TLR2: variants seen among roughly 807,000 people sequenced by gnomAD.
TLR2 encodes toll-like receptor 2.
In TLR2, 7 loss-of-function variants were observed where a neutral mutation model predicts 9.1. That is an observed-to-expected ratio of 0.77 (90% CI 0.44 to 1.44). TLR2 has a LOEUF of 1.44. TLR2 is among the 40% of genes most tolerant of loss of function. The probability of loss-of-function intolerance (pLI) is 0.01; values close to 1 mark genes in which losing one functional copy is unlikely to be tolerated. For synonymous variants in TLR2, 317 were observed against 344.6 expected, an observed-to-expected ratio of 0.92 and a Z score of 0.89; for missense variants, 812 against 904.6, an observed-to-expected ratio of 0.90 and a Z score of 1.31.
chr4:153,701,639 G>A (rs1445242119), intron 2 of TLR2: 2 of 151,486 alleles, frequency 1.3e-5, no homozygotes, highest in South Asian at 2.1e-4. Flanking sequence ...ACATATGTGT[G>A]TATACATAAT....
At chr4:153,708,652 T>A (rs766551232), downstream of TLR2, among the ~76,000 whole-genome samples, 3 of 152,212 alleles carry the variant, frequency 2.0e-5, no homozygotes, top group Non-Finnish European at 4.4e-5. Flanking sequence ...AAACTCAGAC[T>A]GTACCTGCAC....
rs780817232 is a variant in TLR2, at chr4:153,705,144, C to T, written c.2237C>T (p.Pro746Leu). The change falls in exon 3 of 3, where the codon CCC becomes CTC. Residue 746 changes from proline (P) to leucine (L), a missense_variant. Physicochemically the swap from Pro to Leu is moderately conservative, Grantham distance 98. Coordinates refer to ENST00000642700, the MANE Select transcript of TLR2 (RefSeq NM_001318789.2). Reference sequence around the variant, plus strand: ...GAGCCCATTGAGAAAAAAGCCATTCCCCAGCGCTTCTGCAAGCTGCGGAAG... The same window carrying T: ...GAGCCCATTGAGAAAAAAGCCATTCTCCAGCGCTTCTGCAAGCTGCGGAAG... ...LLEPIEKKAI[P>L]QRFCKLRKIM... The T allele has an allele frequency of 3.1e-6, 5 of 1,614,000 alleles. No individual in the cohort carries two copies. The East Asian group carries it at 6.7e-5, about 22-fold the overall frequency.
In TLR2 at chr4:153,703,034, T is replaced by C. The variant is rs1328036344; in HGVS notation, c.127T>C (p.Leu43=). 44 of 1,614,052 alleles carry C rather than the reference T, an allele frequency of 2.7e-5. No individual in the cohort carries two copies. Among genetic ancestry groups the C allele is most frequent in the Non-Finnish European group, 2.9e-5 (34 of 1,180,008 alleles). The part of the protein sequence containing the change: ...NGICKGSSGS[L]NSIPSGLTEA... Reference sequence around the variant, plus strand: ...TATCTGCAAGGGCAGCTCAGGATCTTTAAACTCCATTCCCTCAGGGCTCAC... The same window carrying C: ...TATCTGCAAGGGCAGCTCAGGATCTCTAAACTCCATTCCCTCAGGGCTCAC... The change falls in exon 3 of 3, where the codon TTA becomes CTA. Residue 43 remains leucine, a synonymous_variant. Transcript: ENST00000642700.
At chr4:153,699,061 C>T (rs1335432441) in intron 2 of TLR2, among the ~76,000 whole-genome samples, 1 of 152,126 alleles carries the variant, frequency 6.6e-6, no homozygotes, top group Non-Finnish European at 1.5e-5. Context: ...GAATTCATAA[C>T]CCTAATTCTC....
At chr4:153,702,748 C>T in intron 2 of TLR2, 144 bp from the exon 3 acceptor site, 8 of 647,334 alleles carry the variant, frequency 1.2e-5, no homozygotes, top group African/African-American at 4.0e-5. Context: ...ATCTGTTTCT[C>T]TCTCTCTCTC....
chr4:153,705,550 G>T lies in TLR2; in HGVS notation c.*288G>T, dbSNP rs1052953315. The stretch of plus-strand genomic sequence containing the variant: ...CCCTTGGTATCCAAGGGAATTGGTT[G>T]CAGGATCCTCGTGGATATCAAAATT... On this transcript the variant is annotated 3_prime_UTR_variant, in exon 3 of 3. Transcript: ENST00000642700. The T allele has an allele frequency of 3.9e-6, 1 of 254,484 alleles. No homozygotes were observed. The highest frequency in any genetic ancestry group is 2.3e-5 in the African/African-American group (1 of 44,238). 15.8% of individuals were successfully genotyped at this position (254,484 alleles called of 1,614,324 possible). A position where few individuals can be genotyped will look rare whatever the true frequency, so the allele number is the denominator to read the frequency against.
At chr4:153,693,805 A>C (rs1736292151) in intron 2 of TLR2, among the ~76,000 whole-genome samples, 1 of 152,066 alleles carries the variant, frequency 6.6e-6, no homozygotes, top group Non-Finnish European at 1.5e-5. Flanking sequence ...CTTCTTACTC[A>C]CCATGGGGAT....
Position 153,703,322 on chromosome 4 carries a change from C to T in TLR2, c.415C>T (p.Leu139=), listed in dbSNP as rs752698086. 12 of 1,613,642 alleles carry T rather than the reference C, an allele frequency of 7.4e-6. No individual in the cohort carries two copies. In the Admixed American group the frequency reaches 1.5e-4, roughly 20 times the overall value. The stretch of plus-strand genomic sequence containing the variant: ...CTTACTGGGAAATCCTTACAAAACC[C>T]TAGGGGAAACATCTCTTTTTTCTCA... ...LNLLGNPYKT[L]GETSLFSHLT... Residue 139 remains leucine (L), a synonymous_variant, in exon 3 of 3, where the codon CTA becomes TTA. Coordinates refer to ENST00000642700, the MANE Select transcript of TLR2 (RefSeq NM_001318789.2).
At chr4:153,702,760 CTTTGTG>C (rs759603623) in intron 2 of TLR2, 126 bp from the exon 3 acceptor site, 49 of 392,612 alleles carry the variant, frequency 1.2e-4, no homozygotes, top group African/African-American at 1.0e-3. Context: ...CTCTCTCTCT[CTTTGTG>C]TGTGTGTGTG....
chr4:153,704,253 A>G lies in TLR2; in HGVS notation c.1346A>G (p.His449Arg). 1.2e-6 allele frequency: 2 copies of G among 1,614,206 alleles called. No homozygotes were observed. The highest frequency in any genetic ancestry group is 2.2e-5 in the South Asian group (2 of 91,070). Residue 449 changes from histidine (H) to arginine (R), a missense_variant, in exon 3 of 3, where the codon CAC (histidine) becomes CGC (arginine). Physicochemically the swap from His to Arg is conservative, Grantham distance 29 (BLOSUM62 0). Coordinates refer to ENST00000642700, the MANE Select transcript of TLR2 (RefSeq NM_001318789.2). ...KYLNLSSTRI[H>R]SVTGCIPKTL... ...TTGAACTTATCCAGCACACGAATAC[A>G]CAGTGTAACAGGCTGCATTCCCAAG...
At chr4:153,695,732 T>C (rs945495680) in intron 2 of TLR2, among the ~76,000 whole-genome samples, 2 of 152,230 alleles carry the variant, frequency 1.3e-5, no homozygotes, top group Non-Finnish European at 2.9e-5. Context: ...TTGTGGGGTA[T>C]GACTTAAGAA....
Position 153,705,352 on chromosome 4 carries a change from C to T in TLR2, c.*90C>T. On this transcript the variant is annotated 3_prime_UTR_variant, in exon 3 of 3. Transcript: ENST00000642700. ...TCATTCAGACATAATTATATAAAAA[C>T]TACGTGGATGTACCGTCATTTGAGG... 1 of 1,331,846 alleles carries T rather than the reference C, an allele frequency of 7.5e-7. No homozygotes were observed. The highest frequency in any genetic ancestry group is 1.0e-6 in the Non-Finnish European group (1 of 1,000,724). 82.5% of individuals were successfully genotyped at this position (1,331,846 alleles called of 1,614,324 possible). A position where few individuals can be genotyped will look rare whatever the true frequency, so the allele number is the denominator to read the frequency against.
rs1270395361 is a variant in TLR2, at chr4:153,704,841, T to G, written c.1934T>G (p.Val645Gly). ...AGGAACATCTGCTATGATGCATTTG[T>G]TTCTTACAGTGAGCGGGATGCCTAC... ...PSRNICYDAF[V>G]SYSERDAYWV... The change falls in exon 3 of 3, where the codon GTT becomes GGT. Residue 645 changes from valine (V) to glycine (G), a missense_variant. Transcript: ENST00000642700. The G allele has an allele frequency of 6.2e-7, 1 of 1,614,078 alleles. No individual in the cohort carries two copies. The highest frequency in any genetic ancestry group is 1.1e-5 in the South Asian group (1 of 91,076).
At chr4:153,690,875 T>G (rs2127021242) in intron 2 of TLR2, among the ~76,000 whole-genome samples, 1 of 152,344 alleles carries the variant, frequency 6.6e-6, no homozygotes, top group South Asian at 2.1e-4. Flanking sequence ...AGCCCTAATG[T>G]GAGTGATGTA....
At chr4:153,686,661 A>T (rs574972125) in intron 1 of TLR2, among the ~76,000 whole-genome samples, 115 of 152,298 alleles carry the variant, frequency 7.6e-4, no homozygotes, top group African/African-American at 2.7e-3. Context: ...AAAATTTTGA[A>T]TTTATAAGTA....
At chr4:153,689,430 A>G (rs1035706939) in intron 2 of TLR2, among the ~76,000 whole-genome samples, 7 of 152,222 alleles carry the variant, frequency 4.6e-5, no homozygotes, top group African/African-American at 1.7e-4. Flanking sequence ...TGAGAGGTGC[A>G]ATTTAAGCTA....
intron 2 of TLR2, among the ~76,000 whole-genome samples, chr4:153,690,922 T>C (rs1054649280): frequency 2.6e-5 from 4 of 152,234 alleles, no homozygotes; most frequent in Admixed American, 2.0e-4. Flanking sequence ...CTGTTTGCAA[T>C]TGGGTAAATA....
At chr4:153,693,833 G>A (rs1241817153) in intron 2 of TLR2, among the ~76,000 whole-genome samples, 1 of 152,156 alleles carries the variant, frequency 6.6e-6, no homozygotes, top group African/African-American at 2.4e-5. Flanking sequence ...GAGTACTCGG[G>A]TATCCTCCAG....
intron 2 of TLR2, among the ~76,000 whole-genome samples, chr4:153,689,518 A>G (rs967980861): frequency 1.3e-5 from 2 of 152,224 alleles, no homozygotes; most frequent in African/African-American, 4.8e-5. Context: ...CTGCAATGCA[A>G]TCTTCCCAAA....
Sources: gnomAD v4.1 joint callset for allele counts (sites outside exome capture counted in the v4.1 genomes callset) on GRCh38, gnomAD v4.1.1 for gene constraint, MANE v1.5 for transcripts, NCBI Gene and HGNC (gene_info 2026-07-23, HGNC 2026-07-21) for gene names.